The following BCL11A variants were observed in gnomAD, a reference collection of about 807,000 sequenced individuals.
BCL11A encodes BCL11 transcription factor A, also known as B cell CLL/lymphoma 11A.
Under a neutral mutation model 55.9 loss-of-function variants are expected in BCL11A, and 2 were observed. That is an observed-to-expected ratio of 0.04 (90% confidence interval 0.01 to 0.11). The LOEUF (loss-of-function observed/expected upper bound fraction) is 0.11, where lower values mean the gene tolerates loss of function less well. BCL11A is among the 10% of genes least tolerant of loss of function. The probability of loss-of-function intolerance (pLI) is 1.00; values close to 1 mark genes in which losing one functional copy is unlikely to be tolerated. For missense variants in BCL11A, 817 were observed against 1,137.1 expected (o/e 0.72, Z 4.05); for synonymous variants, 465 against 473.4 (o/e 0.98, Z 0.23).
rs1049601817 is a variant in BCL11A at position 60,515,961 on chromosome 2, C to T, written c.385+30010G>A. Reference sequence around the variant, plus strand: ...TATTCTCTGGGCACCGCTGGGCCAACACCCACGGAGGGGTCCTGGAATACA... The same window carrying T: ...TATTCTCTGGGCACCGCTGGGCCAATACCCACGGAGGGGTCCTGGAATACA... On this transcript the variant is annotated intron_variant, in intron 2 of 3. Coordinates refer to ENST00000642384, the MANE Select transcript of BCL11A (RefSeq NM_022893.4). Among the ~76,000 whole-genome samples the T allele has an allele frequency of 9.8e-5, 15 of 152,322 alleles. No homozygotes were observed. The East Asian group carries it at 2.7e-3, about 27-fold the overall frequency.
intron 2 of BCL11A, among the ~76,000 whole-genome samples, chr2:60,499,039 T>A (rs966724158): frequency 3.4e-4 from 52 of 152,166 alleles, no homozygotes; most frequent in South Asian, 2.1e-4. Context: ...CACACAGGCA[T>A]CCAAAGGGAA....
At chr2:60,496,777 C>CTG (rs1452352510) in intron 2 of BCL11A, among the ~76,000 whole-genome samples, 4 of 149,840 alleles carry the variant, frequency 2.7e-5, no homozygotes, top group Non-Finnish European at 6.0e-5. Flanking sequence ...TGTGAGTGCT[C>CTG]TCTCTCTCTC....
intron 2 of BCL11A, among the ~76,000 whole-genome samples, chr2:60,497,114 C>T (rs903509099): frequency 6.6e-6 from 1 of 152,216 alleles, no homozygotes; most frequent in East Asian, 1.9e-4. Flanking sequence ...ATTCTAATTC[C>T]CTTTAGCTAG....
In BCL11A at chr2:60,459,214, A is replaced by G. The variant is rs1266808926; in HGVS notation, c.*1190T>C. 1 of 1,021,030 alleles carries G rather than the reference A, an allele frequency of 9.8e-7. No homozygotes were observed. Among genetic ancestry groups the G allele is most frequent in the Non-Finnish European group, 1.2e-6 (1 of 850,726 alleles). 63.2% of individuals were successfully genotyped at this position (1,021,030 alleles called of 1,614,324 possible). ...TATGGTATACAAGGTCTTAAAGTTT[A>G]TCATTTGATTGTCCACTTGACAACC... On this transcript the variant is annotated 3_prime_UTR_variant, in exon 4 of 4. Coordinates refer to ENST00000642384, the MANE Select transcript of BCL11A (RefSeq NM_022893.4).
intron 2 of BCL11A, chr2:60,541,882 T>A: frequency 1.4e-6 from 1 of 702,184 alleles, no homozygotes; most frequent in East Asian, 2.8e-5. Flanking sequence ...TCATTTACAA[T>A]TACACCATAA....
At chr2:60,550,918 CG>C (rs1326052857) in intron 1 of BCL11A, 37 of 211,964 alleles carry the variant, frequency 1.7e-4, no homozygotes, top group Admixed American at 8.5e-4. Flanking sequence ...GATCCGCATC[CG>C]GCGCGGCCGG....
rs1448128424 is a variant in BCL11A, at chr2:60,458,768, T to C, written c.*1636A>G. The C allele has an allele frequency of 4.8e-6, 5 of 1,031,638 alleles. No homozygotes were observed. The East Asian group carries it at 3.0e-4, about 63-fold the overall frequency. 63.9% of individuals were successfully genotyped at this position (1,031,638 alleles called of 1,614,324 possible). On this transcript the variant is annotated 3_prime_UTR_variant, in exon 4 of 4. Transcript: ENST00000642384. ...AGGTTTATTTTATACTCAACCTCTG[T>C]ATCTCTGATTAGAGAAAAGATACAG...
intron 3 of BCL11A, among the ~76,000 whole-genome samples, chr2:60,466,368 G>C (rs763990195): frequency 3.9e-5 from 6 of 152,084 alleles, no homozygotes; most frequent in Non-Finnish European, 8.8e-5. Context: ...GCAGGCCCCA[G>C]ATGCCCCCAG....
At position 60,553,544 on chromosome 2, in the gene BCL11A, A is replaced by G. The variant is rs1670513157; in HGVS notation, c.-274T>C. The G allele has an allele frequency of 8.0e-6, 3 of 374,564 alleles. No homozygotes were observed. The highest frequency in any genetic ancestry group is 7.2e-4 in the Middle Eastern group (1 of 1,398). The allele number at this position is 374,564 out of a possible 1,614,324, so 23.2% of individuals were successfully genotyped here. A position where few individuals can be genotyped will look rare whatever the true frequency, so the allele number is the denominator to read the frequency against. On this transcript the variant is annotated 5_prime_UTR_variant, in exon 1 of 4. Transcript: ENST00000642384. ...AGAGAGAGAAGAGAGATAGAGGGAG[A>G]GAGAGAGAGAGAGATGAAAAAAATG...
chr2:60,541,873 C>A (rs2104717935), intron 2 of BCL11A: 1 of 697,768 alleles, frequency 1.4e-6, no homozygotes, highest in South Asian at 1.6e-5. Context: ...TTTATAGTCT[C>A]ATTTACAATT....
intron 2 of BCL11A, among the ~76,000 whole-genome samples, chr2:60,515,483 G>A (rs1558460444): frequency 2.0e-5 from 3 of 152,268 alleles, no homozygotes; most frequent in South Asian, 4.1e-4. Flanking sequence ...ATACACCCAC[G>A]AGCCAATGTG....
chr2:60,509,859 C>G (rs890585186), intron 2 of BCL11A, among the ~76,000 whole-genome samples: 4 of 152,044 alleles, frequency 2.6e-5, no homozygotes, highest in African/African-American at 9.7e-5. Context: ...GTGAAGGAGC[C>G]CCAGACACAC....
At chr2:60,537,659 T>C (rs981416647) in intron 2 of BCL11A, 14 of 152,246 alleles carry the variant, frequency 9.2e-5, no homozygotes, top group African/African-American at 3.4e-4. Flanking sequence ...CCCTAAAAAT[T>C]AACAGATGTG....
At chr2:60,495,155 C>T (rs796983946) in intron 2 of BCL11A, among the ~76,000 whole-genome samples, 37 of 152,338 alleles carry the variant, frequency 2.4e-4, no homozygotes, top group African/African-American at 8.2e-4. Flanking sequence ...GAGAGCCTTC[C>T]GAAAGAGGCC....
At chr2:60,497,851 TC>T (rs1436414440) in intron 2 of BCL11A, among the ~76,000 whole-genome samples, 2 of 152,126 alleles carry the variant, frequency 1.3e-5, no homozygotes, top group Non-Finnish European at 1.5e-5. Flanking sequence ...ATCAAAAGGA[TC>T]CTGCACATTG....
At chr2:60,506,605 G>A (rs1490694387) in intron 2 of BCL11A, among the ~76,000 whole-genome samples, 14 of 152,206 alleles carry the variant, frequency 9.2e-5, no homozygotes, top group Non-Finnish European at 1.0e-4. Context: ...TTTGTGCATG[G>A]CTGCTTAGAG....
At chr2:60,452,233 G>A, downstream of BCL11A, 1 of 257,880 alleles carries the variant, frequency 3.9e-6, no homozygotes, top group East Asian at 5.7e-5. Context: ...GAAACAAGGG[G>A]TTGGGGACTC....
chr2:60,518,073 C>T (rs1668814584), intron 2 of BCL11A, among the ~76,000 whole-genome samples: 1 of 152,166 alleles, frequency 6.6e-6, no homozygotes, highest in South Asian at 2.1e-4. Flanking sequence ...GGGAAGATTG[C>T]TTGAAGCTAG....
chr2:60,492,576 G>GCTC (rs1283419039), intron 2 of BCL11A, among the ~76,000 whole-genome samples: 1 of 150,800 alleles, frequency 6.6e-6, no homozygotes, highest in Non-Finnish European at 1.5e-5. Context: ...AGACCCAAAT[G>GCTC]CTCTGCTTAT....
Sources: allele counts gnomAD v4.1 joint callset (sites outside exome capture counted in the v4.1 genomes callset), GRCh38; gene constraint gnomAD v4.1.1; transcripts MANE v1.5; gene names NCBI Gene and HGNC (gene_info 2026-07-23, HGNC 2026-07-21).